Variants in LRRC37A observed in about 807,000 individuals in gnomAD.
LRRC37A encodes leucine rich repeat containing 37A.
In LRRC37A, 3 loss-of-function variants were observed where a neutral mutation model predicts 35.4. That is an observed-to-expected ratio of 0.08 (90% confidence interval 0.04 to 0.22). LRRC37A has a LOEUF of 0.22. LRRC37A is among the 10% of genes least tolerant of loss of function. The pLI is 1.00. For synonymous variants in LRRC37A, 23 were observed against 215.0 expected, an observed-to-expected ratio of 0.11 and a Z score of 7.81; for missense variants, 67 against 565.3, an observed-to-expected ratio of 0.12 and a Z score of 8.94.
At chr17:46,337,443 A>G in exon 13 of LRRC37A, 1 of 782,312 alleles carries the variant, frequency 1.3e-6, no homozygotes. Flanking sequence ...GACTTTCCTC[A>G]TTTGGACAGC....
chr17:46,279,500 C>CTTTTTTTT, the LRRC37A span, among the ~76,000 whole-genome samples: 5 of 122,428 alleles, frequency 4.1e-5, no homozygotes, highest in African/African-American at 3.3e-5. Flanking sequence ...TTCTTTCTTT[C>CTTTTTTTT]TTTTTTTTTT....
chr17:46,265,473 T>TC, the LRRC37A span, among the ~76,000 whole-genome samples: 15,613 of 142,408 alleles, frequency 0.11, no homozygotes, highest in Non-Finnish European at 0.17. Flanking sequence ...TCTTCCTTCT[T>TC]CTTCTTCTTT....
the LRRC37A span, among the ~76,000 whole-genome samples, chr17:46,266,672 C>G: frequency 6.6e-6 from 1 of 152,198 alleles, no homozygotes; most frequent in East Asian, 1.9e-4. Context: ...GTCGGATCAT[C>G]CCCCGAAGCT....
the LRRC37A span, among the ~76,000 whole-genome samples, chr17:46,249,762 AC>A: frequency 6.6e-6 from 1 of 152,240 alleles, no homozygotes; most frequent in Non-Finnish European, 1.5e-5. Context: ...AGCTGGAAGC[AC>A]AGGAACTGTC....
chr17:46,248,396 ACCT>A, the LRRC37A span, among the ~76,000 whole-genome samples: 3 of 151,856 alleles, frequency 2.0e-5, no homozygotes, highest in Non-Finnish European at 2.9e-5. Context: ...GTAGTCAATC[ACCT>A]CCTCCCACCG....
chr17:46,252,212 T>C, the LRRC37A span, among the ~76,000 whole-genome samples: 1 of 127,940 alleles, frequency 7.8e-6, no homozygotes, highest in Non-Finnish European at 1.8e-5. Context: ...TTTGATTCAT[T>C]GATTTTTTTT....
the LRRC37A span, among the ~76,000 whole-genome samples, chr17:46,261,862 T>C: frequency 6.6e-6 from 1 of 152,214 alleles, no homozygotes; most frequent in Non-Finnish European, 1.5e-5. Context: ...TTTTTAAATG[T>C]TTAATAATAA....
At chr17:46,261,247 C>T in the LRRC37A span, among the ~76,000 whole-genome samples, 1 of 152,166 alleles carries the variant, frequency 6.6e-6, no homozygotes, top group African/African-American at 2.4e-5. Flanking sequence ...TTCGGTCTTT[C>T]TGTAACCTAA....
the LRRC37A span, among the ~76,000 whole-genome samples, chr17:46,253,225 C>G: frequency 2.4e-5 from 3 of 124,396 alleles, no homozygotes; most frequent in East Asian, 4.2e-4. Flanking sequence ...ACATCTCAGA[C>G]GATGGGCGGC....
chr17:46,253,754 G>A, the LRRC37A span, among the ~76,000 whole-genome samples: 1 of 150,992 alleles, frequency 6.6e-6, no homozygotes. Flanking sequence ...GAGACCGTGG[G>A]GAGAGGGAGA....
At chr17:46,275,329 G>A in the LRRC37A span, 39 of 856,112 alleles carry the variant, frequency 4.6e-5, no homozygotes, top group African/African-American at 6.9e-4. Context: ...ATTTAAAATA[G>A]TTCAGGCAAC....
At chr17:46,332,413 C>G in intron 9 of LRRC37A, 139 bp from the exon 10 acceptor site, 1 of 366,024 alleles carries the variant, frequency 2.7e-6, no homozygotes, top group Non-Finnish European at 4.6e-6. Flanking sequence ...GATTGCACCA[C>G]GGTACCCAAG....
chr17:46,279,184 CTT>C, the LRRC37A span, among the ~76,000 whole-genome samples: 10 of 136,976 alleles, frequency 7.3e-5, no homozygotes, highest in Admixed American at 7.3e-5. Context: ...TCTTTTTTTT[CTT>C]TTTTTTTTTT....
At chr17:46,291,335 G>A (rs1475124665), upstream of LRRC37A, among the ~76,000 whole-genome samples, 1 of 152,098 alleles carries the variant, frequency 6.6e-6, no homozygotes, top group Non-Finnish European at 1.5e-5. Context: ...GCTTAAATAA[G>A]TTACAACAAT....
At chr17:46,269,339 G>C in the LRRC37A span, among the ~76,000 whole-genome samples, 1 of 152,192 alleles carries the variant, frequency 6.6e-6, no homozygotes, top group Non-Finnish European at 1.5e-5. Flanking sequence ...TTCGAGACCA[G>C]GCTGACCAAC....
chr17:46,269,204 G>C, the LRRC37A span, among the ~76,000 whole-genome samples: 1 of 152,126 alleles, frequency 6.6e-6, no homozygotes, highest in East Asian at 1.9e-4. Context: ...CAAACACAAG[G>C]GTCAAAGCCC....
chr17:46,306,202 T>TG (rs1165407046), intron 4 of LRRC37A, 27 bp from the exon 5 acceptor site: 1 of 218,524 alleles, frequency 4.6e-6, no homozygotes, highest in Non-Finnish European at 1.0e-5. Flanking sequence ...ATTTTTTTTT[T>TG]CTTTGGCTTG....
upstream of LRRC37A, among the ~76,000 whole-genome samples, chr17:46,289,136 A>T (rs561415189): frequency 1.2e-3 from 177 of 152,246 alleles, 1 homozygote; most frequent in African/African-American, 4.2e-3. Context: ...TGTGATTGGC[A>T]TCCACGAACA....
At chr17:46,269,385 T>G in the LRRC37A span, among the ~76,000 whole-genome samples, 18,476 of 152,062 alleles carry the variant, frequency 0.12, no homozygotes, top group Non-Finnish European at 0.18. Context: ...AATACAAAAA[T>G]TAGCCGGGTG....
Sources: allele counts gnomAD v4.1 joint callset (sites outside exome capture counted in the v4.1 genomes callset), GRCh38; gene constraint gnomAD v4.1.1; transcripts MANE v1.5; gene names NCBI Gene and HGNC (gene_info 2026-07-23, HGNC 2026-07-21).